The following TLE2 variants were observed in gnomAD, a reference collection of about 807,000 sequenced individuals.
The protein encoded by TLE2 is transducin-like enhancer protein 2.
A neutral mutation model predicts 97.2 loss-of-function variants in TLE2; 74 were observed. The ratio of observed to expected loss-of-function variants is 0.76; its 90% CI spans 0.63 to 0.92. TLE2 has a LOEUF of 0.92. Ranked by LOEUF, TLE2 falls within the 40% of genes least tolerant of loss-of-function variation. The pLI, the probability that TLE2 is intolerant of heterozygous loss-of-function variation, is 0.00. For synonymous variants in TLE2, 499 were observed against 432.1 expected (o/e 1.15, Z -1.92); for missense variants, 1,038 against 1,008.7 (o/e 1.03, Z -0.39).
upstream of TLE2, among the ~76,000 whole-genome samples, chr19:3,033,789 G>A (rs1329594029): frequency 2.0e-5 from 3 of 152,148 alleles, no homozygotes; most frequent in African/African-American, 7.2e-5. Context: ...GGAGGCCAAA[G>A]AGGCCAGGAG....
intron 1 of TLE2, among the ~76,000 whole-genome samples, chr19:3,040,954 C>A (rs2090095477): frequency 7.1e-6 from 1 of 140,560 alleles, no homozygotes; most frequent in East Asian, 2.1e-4. Flanking sequence ...CTGTCACCAA[C>A]CCCAGAGTGG....
At chr19:3,013,922 CCCATGACCCA>C in intron 10 of TLE2, 104 bp from the exon 11 acceptor site, 1 of 1,105,848 alleles carries the variant, frequency 9.0e-7, no homozygotes, top group Non-Finnish European at 1.2e-6. Flanking sequence ...AGAATGGGTA[CCCATGACCCA>C]CCATGGGAAG....
At chr19:3,040,892 C>A (rs1266592496) in intron 1 of TLE2, among the ~76,000 whole-genome samples, 1 of 149,392 alleles carries the variant, frequency 6.7e-6, no homozygotes, top group South Asian at 2.1e-4. Context: ...TGCAGTGAGA[C>A]CTTTTAACCC....
Position 2,997,939 on chromosome 19 carries a change from G to A in TLE2, c.2141C>T (p.Ser714Leu). Reference protein sequence around the residue: ...ASIFQSKESSSVLSCDISRNN... With the variant: ...ASIFQSKESSLVLSCDISRNN... The stretch of plus-strand genomic sequence containing the variant: ...TCTGGAGATGTCACAACTCAGGACT[G>A]AGGACGACTCCTTGGACTGCCAAGG... Residue 714 changes from serine (S) to leucine (L), a missense_variant, in exon 20 of 20, where the codon TCA becomes TTA. Ser to Leu is a moderately radical substitution (Grantham distance 145, BLOSUM62 -2). Transcript: ENST00000262953. The A allele has an allele frequency of 6.2e-7, 1 of 1,612,432 alleles. No individual in the cohort carries two copies. The highest frequency in any genetic ancestry group is 8.5e-7 in the Non-Finnish European group (1 of 1,179,262).
At chr19:3,006,807 G>T in intron 14 of TLE2, 138 bp from the exon 15 acceptor site, 40 of 1,292,208 alleles carry the variant, frequency 3.1e-5, no homozygotes, top group Non-Finnish European at 4.1e-5. Context: ...TTTTGAGAGG[G>T]AGTCTCGCCG....
intron 4 of TLE2, 85 bp from the exon 5 acceptor site, chr19:3,025,167 C>T: frequency 1.4e-6 from 2 of 1,383,340 alleles, no homozygotes; most frequent in Non-Finnish European, 2.0e-6. Flanking sequence ...CAGGTGTTGG[C>T]AAAGCCGAAG....
rs1320686643 is a variant in TLE2, at chr19:3,004,915, CTT to C, written c.1896+520_1896+521del. Among the ~76,000 whole-genome samples, 15 of 152,190 alleles carry C rather than the reference CTT, an allele frequency of 9.9e-5. 1 individual carries two copies. In the South Asian group the frequency reaches 2.9e-3, roughly 30 times the overall value. Reference sequence around the variant, plus strand: ...GTCACGGTGCCTGAAGATTCACTCTCTTTGCCCAGCCCTGAGGAGCCCCCAGC... The same window carrying C: ...GTCACGGTGCCTGAAGATTCACTCTCTGCCCAGCCCTGAGGAGCCCCCAGC... On this transcript the variant is annotated intron_variant, in intron 17 of 19. Coordinates refer to ENST00000262953, the MANE Select transcript of TLE2 (RefSeq NM_003260.5).
In TLE2 at chr19:3,009,538, T is replaced by C; in HGVS notation, c.1173+4A>G. On this transcript the variant is annotated splice_donor_region_variant and intron_variant, in intron 13 of 19. Transcript: ENST00000262953. ...ACCTCCTGCGCCCCCACCCAAGGAC[T>C]CACCACGGGGGAGCGTCCGTACACC... 6.3e-7 allele frequency: 1 copy of C among 1,595,722 alleles called. No individual in the cohort carries two copies. The highest frequency in any genetic ancestry group is 8.5e-7 in the Non-Finnish European group (1 of 1,171,206).
At chr19:3,037,283 TCAAAAA>T (rs554261514) in intron 1 of TLE2, among the ~76,000 whole-genome samples, 105 of 152,278 alleles carry the variant, frequency 6.9e-4, no homozygotes, top group Non-Finnish European at 8.7e-4. Flanking sequence ...AGACTCTGTC[TCAAAAA>T]CAAAAACAAA....
At chr19:3,030,723 A>G (rs545182658), upstream of TLE2, among the ~76,000 whole-genome samples, 13 of 152,204 alleles carry the variant, frequency 8.5e-5, no homozygotes, top group African/African-American at 3.1e-4. Context: ...CAGGAGTTCA[A>G]GACCAGTGTG....
chr19:3,019,818 C>T lies in TLE2; in HGVS notation c.295-45G>A, dbSNP rs768912088. ...AGGTAGAGGGTACATTGAGCCCCTGCTCATGCTAGCGGTGCCCTTGGGGAC... is the reference window on the plus strand; with the variant it reads ...AGGTAGAGGGTACATTGAGCCCCTGTTCATGCTAGCGGTGCCCTTGGGGAC... On this transcript the variant is annotated intron_variant, in intron 5 of 19. Coordinates refer to ENST00000262953, the MANE Select transcript of TLE2 (RefSeq NM_003260.5). The surrounding 1 kb of genome is among the most constrained non-coding windows in gnomAD (Gnocchi z 5.1). 6.3e-7 allele frequency: 1 copy of T among 1,586,216 alleles called. No individual in the cohort carries two copies. The highest frequency in any genetic ancestry group is 8.6e-7 in the Non-Finnish European group (1 of 1,167,766).
chr19:3,000,825 T>TC, intron 18 of TLE2, 102 bp from the exon 19 acceptor site: 2 of 134,410 alleles, frequency 1.5e-5, no homozygotes, highest in African/African-American at 1.5e-4. Flanking sequence ...GGCCTCTCCC[T>TC]TTTTTTTTTT....
chr19:3,026,455 T>TAA (rs34783402), intron 4 of TLE2, among the ~76,000 whole-genome samples: 41 of 111,288 alleles, frequency 3.7e-4, no homozygotes, highest in South Asian at 3.3e-3. Context: ...TCTCAAAATT[T>TAA]AAAAAAAAAA....
Position 3,011,100 on chromosome 19 carries a change from C to G in TLE2, c.934G>C (p.Ala312Pro). The change falls in exon 12 of 20, where the codon GCT becomes CCT. Residue 312 changes from alanine (A) to proline (P), a missense_variant. Physicochemically the swap from Ala to Pro is conservative, Grantham distance 27 (BLOSUM62 -1). Transcript: ENST00000262953. ...GCCGAGCTGGGCCCGGGGGTGGAAG[C>G]GTCCTGGGGCGGGGAGGAGTCACAG... ...KSCDSSPPQD[A>P]STPGPSSASH... The G allele has an allele frequency of 6.2e-7, 1 of 1,610,482 alleles. No individual in the cohort carries two copies. The highest frequency in any genetic ancestry group is 8.5e-7 in the Non-Finnish European group (1 of 1,178,986).
In TLE2 at chr19:3,011,135, G is replaced by A. The variant is rs1158378715; in HGVS notation, c.899C>T (p.Ala300Val). ...CGGGGAGGAGTCACAGGATTTGGAG[G>A]CAGGAGTGCTGGCGGGAAGGTCATT... The part of the protein sequence containing the change: ...ILNDLPASTP[A>V]SKSCDSSPPQ... The change falls in exon 12 of 20, where the codon GCC becomes GTC. Residue 300 changes from alanine to valine, a missense_variant. Coordinates refer to ENST00000262953, the MANE Select transcript of TLE2 (RefSeq NM_003260.5). 6.2e-7 allele frequency: 1 copy of A among 1,607,834 alleles called. No individual in the cohort carries two copies. Among genetic ancestry groups the A allele is most frequent in the Admixed American group, 1.7e-5 (1 of 59,088 alleles).
Position 3,019,955 on chromosome 19 carries a change from G to A in TLE2, c.295-182C>T, listed in dbSNP as rs1252318856. On this transcript the variant is annotated intron_variant, in intron 5 of 19. Coordinates refer to ENST00000262953, the MANE Select transcript of TLE2 (RefSeq NM_003260.5). This position sits in a 1 kb window ranked among gnomAD's most constrained non-coding sequence, Gnocchi z 5.1. Reference sequence around the variant, plus strand: ...TTTTGGAATTTTGAAATAAGCACACGGAGAAAGAAACCAAACCTAAGTGCA... The same window carrying A: ...TTTTGGAATTTTGAAATAAGCACACAGAGAAAGAAACCAAACCTAAGTGCA... 16 of 839,276 alleles carry A rather than the reference G, an allele frequency of 1.9e-5. No individual in the cohort carries two copies. Among genetic ancestry groups the A allele is most frequent in the East Asian group, 1.1e-4 (4 of 36,702 alleles). 52.0% of individuals were successfully genotyped at this position (839,276 alleles called of 1,614,324 possible). A position where few individuals can be genotyped will look rare whatever the true frequency, so the allele number is the denominator to read the frequency against.
At chr19:3,015,968 G>C in intron 8 of TLE2, 5 of 652,392 alleles carry the variant, frequency 7.7e-6, no homozygotes, top group Non-Finnish European at 1.4e-5. Context: ...ACGGAGTCTT[G>C]CTCTGCTGCC....
upstream of TLE2, among the ~76,000 whole-genome samples, chr19:3,031,639 C>A (rs967075259): frequency 6.6e-6 from 1 of 152,014 alleles, no homozygotes; most frequent in Non-Finnish European, 1.5e-5. Context: ...CAGCCAGCTT[C>A]ATGATCTCAA....
At chr19:3,045,623 C>T (rs1163940240) in intron 1 of TLE2, 2 of 354,498 alleles carry the variant, frequency 5.6e-6, no homozygotes, top group African/African-American at 2.1e-5. Flanking sequence ...TCGAGACCAG[C>T]CTGGCCAACA....
Sources: allele counts gnomAD v4.1 joint callset (sites outside exome capture counted in the v4.1 genomes callset), GRCh38; gene constraint gnomAD v4.1.1; non-coding constraint Gnocchi (gnomAD v3.1); transcripts MANE v1.5; gene names NCBI Gene and HGNC (gene_info 2026-07-23, HGNC 2026-07-21).